DYM: variants seen among roughly 807,000 people sequenced by gnomAD.
DYM encodes the protein dymeclin, also known as dyggve-Melchior-Clausen syndrome protein.
DYM carries 78 observed loss-of-function variants against 93.1 expected under a neutral mutation model. That is an observed-to-expected ratio of 0.84 (90% CI 0.70 to 1.01). The LOEUF (loss-of-function observed/expected upper bound fraction) is 1.01, where lower values mean the gene tolerates loss of function less well. Among genes scored for constraint, DYM ranks in the 50% least tolerant of loss-of-function variants. The probability of loss-of-function intolerance (pLI) is 0.00; values close to 1 mark genes in which losing one functional copy is unlikely to be tolerated. For synonymous variants in DYM, 321 were observed against 319.7 expected, an observed-to-expected ratio of 1.00 and a Z score of -0.04; for missense variants, 789 against 845.0, an observed-to-expected ratio of 0.93 and a Z score of 0.82.
chr18:49,185,548 G>C (rs1383055953), intron 14 of DYM, among the ~76,000 whole-genome samples: 1 of 152,140 alleles, frequency 6.6e-6, no homozygotes, highest in Non-Finnish European at 1.5e-5. Context: ...GAAATAAAAG[G>C]CAGAAAGCTC....
rs566290296 is a variant in DYM, at chr18:49,435,793, A to G, written c.-53-5346T>C. The stretch of plus-strand genomic sequence containing the variant: ...AACAAGAACAACACTCCATCTCAAA[A>G]AAAACAAAAACAAACAAACAAAAAA... On this transcript the variant is annotated intron_variant, in intron 1 of 17. Coordinates refer to ENST00000675505, the MANE Select transcript of DYM (RefSeq NM_001353214.3). Among the ~76,000 whole-genome samples the G allele has an allele frequency of 3.3e-5, 5 of 152,280 alleles. No individual in the cohort carries two copies. In the South Asian group the frequency reaches 1.0e-3, roughly 32 times the overall value.
chr18:49,192,603 G>A (rs1240019460), intron 14 of DYM, among the ~76,000 whole-genome samples: 1 of 151,858 alleles, frequency 6.6e-6, no homozygotes, highest in Non-Finnish European at 1.5e-5. Flanking sequence ...TTCTCTTCTG[G>A]GCTCTCTACC....
chr18:49,164,194 T>C (rs536547782), intron 14 of DYM, among the ~76,000 whole-genome samples: 1 of 152,330 alleles, frequency 6.6e-6, no homozygotes, highest in Admixed American at 6.5e-5. Context: ...ATTATTTCTC[T>C]ACTGTCATAC....
intron 2 of DYM, among the ~76,000 whole-genome samples, chr18:49,409,616 C>A (rs1337855743): frequency 1.3e-5 from 2 of 152,122 alleles, no homozygotes; most frequent in Admixed American, 6.6e-5. Flanking sequence ...TTTTCCCATC[C>A]TGGCAAATTA....
intron 14 of DYM, among the ~76,000 whole-genome samples, chr18:49,181,669 T>C (rs370224437): frequency 6.6e-6 from 1 of 152,172 alleles, no homozygotes; most frequent in East Asian, 1.9e-4. Flanking sequence ...GGATACCTAA[T>C]CTGTGTAACC....
chr18:49,318,219 C>T (rs1038827474), intron 8 of DYM, among the ~76,000 whole-genome samples: 14 of 152,182 alleles, frequency 9.2e-5, no homozygotes, highest in African/African-American at 3.4e-4. Flanking sequence ...CAAACTAAGG[C>T]AGGAAATGCA....
At chr18:49,094,031 T>A (rs2079322246) in intron 17 of DYM, among the ~76,000 whole-genome samples, 1 of 152,228 alleles carries the variant, frequency 6.6e-6, no homozygotes, top group Non-Finnish European at 1.5e-5. Flanking sequence ...TTGGTTAATG[T>A]CAATAACATA....
chr18:49,454,568 G>A (rs1261046843), intron 1 of DYM, among the ~76,000 whole-genome samples: 2 of 152,014 alleles, frequency 1.3e-5, no homozygotes, highest in African/African-American at 2.4e-5. Context: ...ACCAATCTGT[G>A]AGCCCTATGT....
chr18:49,329,462 T>C (rs773463885), intron 8 of DYM: 5 of 151,884 alleles, frequency 3.3e-5, no homozygotes, highest in Admixed American at 6.6e-5. Context: ...AAGGAGAGTA[T>C]CAGGGTGCAA....
chr18:49,271,705 A>G (rs530731218), intron 11 of DYM, among the ~76,000 whole-genome samples: 2 of 152,174 alleles, frequency 1.3e-5, no homozygotes, highest in South Asian at 2.1e-4. Flanking sequence ...AAAGAGAAAC[A>G]TAAGACCAGT....
At chr18:49,420,421 G>A (rs147484325) in intron 2 of DYM, among the ~76,000 whole-genome samples, 78 of 151,986 alleles carry the variant, frequency 5.1e-4, no homozygotes, top group Non-Finnish European at 9.3e-4. Context: ...CACCTGCCTC[G>A]GTCTCCCAAG....
At chr18:49,054,312 G>A (rs997769401) in intron 17 of DYM, among the ~76,000 whole-genome samples, 19 of 152,138 alleles carry the variant, frequency 1.2e-4, no homozygotes, top group African/African-American at 4.6e-4. Flanking sequence ...TGCGATCTCG[G>A]CTCACTGCAA....
At chr18:49,375,229 C>CT (rs2067387778) in intron 5 of DYM, among the ~76,000 whole-genome samples, 1 of 145,762 alleles carries the variant, frequency 6.9e-6, no homozygotes, top group African/African-American at 2.6e-5. Flanking sequence ...CACACACACA[C>CT]ATCTATACCT....
chr18:49,337,756 T>A (rs1260075926), intron 6 of DYM, among the ~76,000 whole-genome samples: 1 of 152,148 alleles, frequency 6.6e-6, no homozygotes, highest in Admixed American at 6.6e-5. Flanking sequence ...ATGAACTATC[T>A]GTATTAGGAA....
chr18:49,288,423 T>A (rs534999208), intron 8 of DYM, among the ~76,000 whole-genome samples: 2 of 152,118 alleles, frequency 1.3e-5, no homozygotes, highest in South Asian at 4.1e-4. Context: ...GAAGACCATA[T>A]GAGATCTGAA....
At chr18:49,076,504 TAA>T (rs1384813860) in intron 17 of DYM, among the ~76,000 whole-genome samples, 3 of 152,246 alleles carry the variant, frequency 2.0e-5, no homozygotes, top group African/African-American at 7.2e-5. Context: ...ATGTTTTATA[TAA>T]AGAGTTATCA....
intron 16 of DYM, among the ~76,000 whole-genome samples, chr18:49,110,120 C>T (rs1018512466): frequency 2.6e-5 from 4 of 152,216 alleles, no homozygotes; most frequent in Non-Finnish European, 5.9e-5. Context: ...TAGTCTATGG[C>T]TGCCATTGAA....
intron 2 of DYM, among the ~76,000 whole-genome samples, chr18:49,420,917 G>C (rs1568415204): frequency 6.6e-6 from 1 of 152,160 alleles, no homozygotes; most frequent in Non-Finnish European, 1.5e-5. Context: ...CTCACTGCTA[G>C]CACAGCAGTC....
At chr18:49,428,862 A>G (rs2074550104) in intron 2 of DYM, among the ~76,000 whole-genome samples, 1 of 152,212 alleles carries the variant, frequency 6.6e-6, no homozygotes. Context: ...GGTGAATTAC[A>G]TGATATATGA....
Sources: gnomAD v4.1 joint callset for allele counts (sites outside exome capture counted in the v4.1 genomes callset) on GRCh38, gnomAD v4.1.1 for gene constraint, MANE v1.5 for transcripts, NCBI Gene and HGNC (gene_info 2026-07-23, HGNC 2026-07-21) for gene names.